SLC4A4: variants seen among roughly 807,000 people sequenced by gnomAD.
SLC4A4 encodes the protein electrogenic sodium bicarbonate cotransporter 1.
Under a neutral mutation model 111.5 loss-of-function variants are expected in SLC4A4, and 27 were observed. The ratio of observed to expected loss-of-function variants is 0.24; its 90% CI spans 0.18 to 0.33. The LOEUF is 0.33. SLC4A4 is among the 10% of genes least tolerant of loss of function. The pLI, the probability that SLC4A4 is intolerant of heterozygous loss-of-function variation, is 1.00. For missense variants in SLC4A4, 909 were observed against 1,315.5 expected, an observed-to-expected ratio of 0.69 and a Z score of 4.78; for synonymous variants, 443 against 463.4, an observed-to-expected ratio of 0.96 and a Z score of 0.57.
At chr4:71,106,784 G>GA (rs1742936348) in intron 2 of SLC4A4, among the ~76,000 whole-genome samples, 1 of 105,492 alleles carries the variant, frequency 9.5e-6, no homozygotes, top group African/African-American at 3.6e-5. Flanking sequence ...GGGGTGGGGG[G>GA]AGGGGGGAGG....
chr4:71,557,274 A>G (rs1736556231), intron 21 of SLC4A4, among the ~76,000 whole-genome samples: 1 of 151,990 alleles, frequency 6.6e-6, no homozygotes, highest in African/African-American at 2.4e-5. Context: ...CTGGAAATGT[A>G]TTAATATATG....
At chr4:71,532,581 C>A (rs1734035277) in intron 17 of SLC4A4, among the ~76,000 whole-genome samples, 1 of 152,108 alleles carries the variant, frequency 6.6e-6, no homozygotes, top group South Asian at 2.1e-4. Flanking sequence ...TCTCAGCTCA[C>A]TGCAACCTTT....
intron 1 of SLC4A4, among the ~76,000 whole-genome samples, chr4:71,224,601 A>T (rs1293052907): frequency 1.3e-5 from 2 of 152,228 alleles, no homozygotes; most frequent in African/African-American, 4.8e-5. Context: ...AATAGTAACT[A>T]AGACATAGTA....
chr4:71,281,033 T>C (rs1723474935), intron 3 of SLC4A4, among the ~76,000 whole-genome samples: 1 of 152,186 alleles, frequency 6.6e-6, no homozygotes, highest in Admixed American at 6.5e-5. Flanking sequence ...TATTTGATAC[T>C]TTTTTTGAGC....
chr4:71,178,155 G>A (rs1473453753), intron 2 of SLC4A4, among the ~76,000 whole-genome samples: 5 of 152,004 alleles, frequency 3.3e-5, no homozygotes, highest in African/African-American at 9.7e-5. Context: ...CAACATACCA[G>A]AATCTCTGGG....
intron 1 of SLC4A4, among the ~76,000 whole-genome samples, chr4:71,088,174 T>G (rs148960247): frequency 0.012 from 1,802 of 152,088 alleles, 36 homozygotes; most frequent in East Asian, 0.043. Flanking sequence ...CTTCTTTGTC[T>G]CTTTTGATCT....
intron 7 of SLC4A4, among the ~76,000 whole-genome samples, chr4:71,418,922 C>T (rs1448993397): frequency 6.6e-6 from 1 of 152,216 alleles, no homozygotes; most frequent in African/African-American, 2.4e-5. Context: ...ACAGGACACT[C>T]AGCTGCAGGT....
intron 3 of SLC4A4, among the ~76,000 whole-genome samples, chr4:71,292,523 T>C (rs1724434429): frequency 6.6e-6 from 1 of 152,208 alleles, no homozygotes; most frequent in Admixed American, 6.5e-5. Flanking sequence ...TGATATAAAA[T>C]ACAGAGTTTT....
intron 1 of SLC4A4, among the ~76,000 whole-genome samples, chr4:71,070,614 G>A (rs972606955): frequency 6.6e-6 from 1 of 152,176 alleles, no homozygotes; most frequent in East Asian, 1.9e-4. Flanking sequence ...AAACTGATTT[G>A]CAAATTCTGT....
chr4:71,296,541 A>T (rs1724808069), intron 3 of SLC4A4, among the ~76,000 whole-genome samples: 2 of 152,144 alleles, frequency 1.3e-5, no homozygotes, highest in Non-Finnish European at 2.9e-5. Context: ...TTGGGGGGGA[A>T]CCATTGGTAC....
chr4:71,276,420 T>C (rs1467432266), intron 3 of SLC4A4, among the ~76,000 whole-genome samples: 1 of 152,194 alleles, frequency 6.6e-6, no homozygotes, highest in East Asian at 1.9e-4. Flanking sequence ...ACTACAGAGA[T>C]CTTCGTTGGG....
At chr4:71,411,232 T>A (rs1421538135) in intron 7 of SLC4A4, among the ~76,000 whole-genome samples, 1 of 152,156 alleles carries the variant, frequency 6.6e-6, no homozygotes, top group Non-Finnish European at 1.5e-5. Context: ...CATGGCAGTC[T>A]CCCTCCTACC....
intron 15 of SLC4A4, among the ~76,000 whole-genome samples, chr4:71,493,898 C>G (rs962826503): frequency 1.3e-5 from 2 of 151,992 alleles, no homozygotes; most frequent in African/African-American, 2.4e-5. Flanking sequence ...ATTGCTGTTG[C>G]AATTTTTTCA....
chr4:71,299,111 A>T (rs1334932107), intron 3 of SLC4A4, among the ~76,000 whole-genome samples: 1 of 152,232 alleles, frequency 6.6e-6, no homozygotes, highest in African/African-American at 2.4e-5. Flanking sequence ...GAACTGTGGA[A>T]TTAGCTGAGT....
chr4:71,345,255 G>T (rs570209700), intron 4 of SLC4A4, among the ~76,000 whole-genome samples: 210 of 152,238 alleles, frequency 1.4e-3, no homozygotes, highest in African/African-American at 4.9e-3. Context: ...ACTGGTAAAA[G>T]AATAATTCAT....
intron 3 of SLC4A4, among the ~76,000 whole-genome samples, chr4:71,279,813 TG>T (rs1723367050): frequency 6.6e-6 from 1 of 152,194 alleles, no homozygotes; most frequent in South Asian, 2.1e-4. Context: ...TTTATTTTTT[TG>T]AGATGGAATC....
chr4:71,135,868 G>A (rs1375932563), intron 2 of SLC4A4, among the ~76,000 whole-genome samples: 1 of 152,074 alleles, frequency 6.6e-6, no homozygotes, highest in Admixed American at 6.5e-5. Context: ...GAAACCCAGG[G>A]AAGAATACTT....
intron 2 of SLC4A4, among the ~76,000 whole-genome samples, chr4:71,132,768 T>C (rs1303275674): frequency 6.6e-6 from 1 of 152,238 alleles, no homozygotes; most frequent in East Asian, 1.9e-4. Flanking sequence ...AAGTAATACT[T>C]CCTTTTCCAC....
chr4:71,082,405 C>G (rs78154590), intron 1 of SLC4A4, among the ~76,000 whole-genome samples: 20 of 152,070 alleles, frequency 1.3e-4, no homozygotes, highest in African/African-American at 4.8e-4. Context: ...TCAACTTAAC[C>G]ATTACTTTGA....
Sources: gnomAD v4.1 joint callset for allele counts (sites outside exome capture counted in the v4.1 genomes callset) on GRCh38, gnomAD v4.1.1 for gene constraint, MANE v1.5 for transcripts, NCBI Gene and HGNC (gene_info 2026-07-23, HGNC 2026-07-21) for gene names.